The following DLG2 variants were observed in gnomAD, a reference collection of about 807,000 sequenced individuals.
The protein encoded by DLG2 is disks large homolog 2.
In DLG2, 45 loss-of-function variants were observed where a neutral mutation model predicts 132.5. The observed-to-expected ratio is 0.34, with a 90% CI of 0.27 to 0.44. The LOEUF (loss-of-function observed/expected upper bound fraction) is 0.44. DLG2 is among the 20% of genes least tolerant of loss of function. The probability of loss-of-function intolerance (pLI) is 1.00; values close to 1 mark genes in which losing one functional copy is unlikely to be tolerated. For missense variants in DLG2, 1,045 were observed against 1,196.9 expected (o/e 0.87, Z 1.87); for synonymous variants, 424 against 419.6 (o/e 1.01, Z -0.13).
chr11:83,710,136 G>A (rs2085047514), intron 18 of DLG2, among the ~76,000 whole-genome samples: 1 of 151,822 alleles, frequency 6.6e-6, no homozygotes, highest in Non-Finnish European at 1.5e-5. Context: ...AAATGTGGAT[G>A]GAATGAAGCC....
At chr11:83,590,916 A>G (rs1243551985) in intron 19 of DLG2, among the ~76,000 whole-genome samples, 1 of 150,864 alleles carries the variant, frequency 6.6e-6, no homozygotes, top group African/African-American at 2.4e-5. Context: ...TCCTCGACAC[A>G]TACACTCTCC....
intron 11 of DLG2, among the ~76,000 whole-genome samples, chr11:84,020,370 T>C (rs889038670): frequency 2.0e-4 from 31 of 152,312 alleles, no homozygotes; most frequent in African/African-American, 7.0e-4. Context: ...ACATGCAGTA[T>C]ACATTCATGT....
rs1291417684 is a variant in DLG2 at position 85,332,295 on chromosome 11, C to G, written c.41-46930G>C. Among the ~76,000 whole-genome samples, 3 of 152,026 alleles carry G rather than the reference C, an allele frequency of 2.0e-5. No homozygotes were observed. In the East Asian group the frequency reaches 5.8e-4, roughly 29 times the overall value. ...AGAAGTATCTGTTGATGTTCTTTGC[C>G]CATTTTTTATTAGGTTGTCTGTTTC... On this transcript the variant is annotated intron_variant, in intron 3 of 27. Transcript: ENST00000376104.
chr11:84,502,621 C>A (rs1295449913), intron 7 of DLG2, among the ~76,000 whole-genome samples: 1 of 151,666 alleles, frequency 6.6e-6, no homozygotes, highest in Non-Finnish European at 1.5e-5. Flanking sequence ...TAATTTCGAA[C>A]TCCTGGCCTG....
chr11:85,593,014 G>C (rs879310439), intron 3 of DLG2, among the ~76,000 whole-genome samples: 6 of 151,286 alleles, frequency 4.0e-5, no homozygotes, highest in Non-Finnish European at 8.9e-5. Context: ...CGGAAGGAAA[G>C]AAAGGAGGGA....
In DLG2 at chr11:83,457,350, G is replaced by A. The variant is rs2089176919; in HGVS notation, c.*2468C>T. On this transcript the variant is annotated 3_prime_UTR_variant, in exon 28 of 28. Transcript: ENST00000376104. The stretch of plus-strand genomic sequence containing the variant: ...GCAAGACAACACAACAAATGGAGGT[G>A]TAAATTCTATTGGAAAAGACCCTCT... The A allele has an allele frequency of 6.6e-6, 1 of 152,600 alleles. No individual in the cohort carries two copies. The highest frequency in any genetic ancestry group is 2.1e-4 in the South Asian group (1 of 4,834). 9.5% of individuals were successfully genotyped at this position (152,600 alleles called of 1,614,324 possible).
chr11:84,328,196 A>G (rs1054344747), intron 7 of DLG2, among the ~76,000 whole-genome samples: 8 of 152,092 alleles, frequency 5.3e-5, no homozygotes, highest in African/African-American at 1.9e-4. Context: ...TGATATGGGT[A>G]AAAATAACAT....
At chr11:84,507,549 A>G (rs577773076) in intron 7 of DLG2, among the ~76,000 whole-genome samples, 1 of 152,336 alleles carries the variant, frequency 6.6e-6, no homozygotes, top group Admixed American at 6.5e-5. Context: ...GTCTTGTTCC[A>G]ATTCACAAGG....
intron 18 of DLG2, among the ~76,000 whole-genome samples, chr11:83,732,383 G>C (rs2153702121): frequency 6.6e-6 from 1 of 152,278 alleles, no homozygotes; most frequent in African/African-American, 2.4e-5. Flanking sequence ...ATGTTGGGGA[G>C]CTTAATACCT....
chr11:83,541,593 G>C, intron 20 of DLG2, 89 bp downstream of exon 20: 1 of 1,159,462 alleles, frequency 8.6e-7, no homozygotes, highest in Non-Finnish European at 1.2e-6. Flanking sequence ...ATTTAATTTT[G>C]TGAACAGTTT....
intron 6 of DLG2, among the ~76,000 whole-genome samples, chr11:84,980,038 T>C (rs2055512666): frequency 6.6e-6 from 1 of 152,138 alleles, no homozygotes; most frequent in South Asian, 2.1e-4. Context: ...CAAAAATTTT[T>C]GGAAACCTTA....
At chr11:85,490,311 T>C (rs933846451) in intron 3 of DLG2, among the ~76,000 whole-genome samples, 3 of 150,584 alleles carry the variant, frequency 2.0e-5, no homozygotes. Context: ...TTGTAGAAAA[T>C]AGTGAAAAAA....
chr11:85,472,673 A>C (rs1445623465), intron 3 of DLG2, among the ~76,000 whole-genome samples: 2 of 152,120 alleles, frequency 1.3e-5, no homozygotes, highest in Non-Finnish European at 2.9e-5. Context: ...CTCATTCTTA[A>C]ATGTGGGAAA....
chr11:84,080,434 T>C (rs964170880), intron 10 of DLG2, among the ~76,000 whole-genome samples: 1 of 152,154 alleles, frequency 6.6e-6, no homozygotes, highest in Non-Finnish European at 1.5e-5. Context: ...GCACTCTGAA[T>C]GCTAGAGAAG....
chr11:84,402,994 TTCTC>T (rs58666610), intron 7 of DLG2, among the ~76,000 whole-genome samples: 3 of 149,488 alleles, frequency 2.0e-5, no homozygotes, highest in Non-Finnish European at 4.5e-5. Context: ...CCCACTCCAA[TTCTC>T]TCTCTCTCTC....
intron 8 of DLG2, among the ~76,000 whole-genome samples, chr11:84,184,194 A>G (rs995828339): frequency 6.6e-6 from 1 of 152,226 alleles, no homozygotes; most frequent in African/African-American, 2.4e-5. Context: ...TCCCACCAAC[A>G]GTGTAAAAGT....
intron 7 of DLG2, among the ~76,000 whole-genome samples, chr11:84,514,224 CTG>C (rs758088085): frequency 4.2e-4 from 64 of 151,988 alleles, no homozygotes; most frequent in Middle Eastern, 3.4e-3. Context: ...GAAAAGGAAA[CTG>C]TTGTAAACTG....
At chr11:85,406,465 T>A (rs2088748839) in intron 3 of DLG2, among the ~76,000 whole-genome samples, 1 of 83,356 alleles carries the variant, frequency 1.2e-5, no homozygotes, top group African/African-American at 4.2e-5. Flanking sequence ...GAACGACCTA[T>A]CAAAACTGAA....
rs2099091611 is a variant in DLG2, at chr11:84,465,444, A to T, written c.519+69126T>A. On this transcript the variant is annotated intron_variant, in intron 7 of 27. Coordinates refer to ENST00000376104, the MANE Select transcript of DLG2 (RefSeq NM_001142699.3). ...ATGCACATTCATCATAGAGATTCTC[A>T]TGTTACGTGCACCATGAGAGACAAT... is the stretch of plus-strand genomic sequence containing the variant. Among the ~76,000 whole-genome samples the T allele has an allele frequency of 1.3e-5, 2 of 151,268 alleles. 1 individual carries two copies. The highest frequency in any genetic ancestry group is 4.1e-4 in the South Asian group (2 of 4,832).
Sources: allele counts gnomAD v4.1 joint callset (sites outside exome capture counted in the v4.1 genomes callset), GRCh38; gene constraint gnomAD v4.1.1; transcripts MANE v1.5; gene names NCBI Gene and HGNC (gene_info 2026-07-23, HGNC 2026-07-21).